WDR49: variants seen among roughly 807,000 people sequenced by gnomAD.
WDR49 encodes cilia- and flagella-associated protein 337.
In WDR49, 107 loss-of-function variants were observed where a neutral mutation model predicts 119.5. That is an observed-to-expected ratio of 0.90 (90% confidence interval 0.77 to 1.05). WDR49 has a LOEUF of 1.05. WDR49 is among the 50% of genes least tolerant of loss of function. The probability of loss-of-function intolerance (pLI) is 0.00; values close to 1 mark genes in which losing one functional copy is unlikely to be tolerated. For missense variants in WDR49, 1,240 were observed against 1,220.5 expected, an observed-to-expected ratio of 1.02 and a Z score of -0.24; for synonymous variants, 425 against 418.8, an observed-to-expected ratio of 1.01 and a Z score of -0.18.
At chr3:167,534,252 G>A (rs1006998770) in intron 11 of WDR49, among the ~76,000 whole-genome samples, 1 of 152,020 alleles carries the variant, frequency 6.6e-6, no homozygotes, top group Non-Finnish European at 1.5e-5. Flanking sequence ...TGAACCAGGG[G>A]GATGGAGTTC....
intron 5 of WDR49, among the ~76,000 whole-genome samples, chr3:167,620,109 T>C (rs902521226): frequency 6.6e-6 from 1 of 152,168 alleles, no homozygotes; most frequent in Non-Finnish European, 1.5e-5. Flanking sequence ...GCCCTGAATG[T>C]AACTAGATGA....
At chr3:167,622,472 A>C (rs1199535276) in intron 3 of WDR49, among the ~76,000 whole-genome samples, 1 of 152,200 alleles carries the variant, frequency 6.6e-6, no homozygotes, top group Non-Finnish European at 1.5e-5. Flanking sequence ...CCATTCTGCC[A>C]ATCTTTGCCC....
chr3:167,539,929 G>T (rs1362123296), intron 10 of WDR49, among the ~76,000 whole-genome samples: 1 of 152,054 alleles, frequency 6.6e-6, no homozygotes, highest in Non-Finnish European at 1.5e-5. Flanking sequence ...ACCACGATAG[G>T]CATTTAACAA....
intron 7 of WDR49, among the ~76,000 whole-genome samples, chr3:167,581,862 A>G (rs1048864380): frequency 8.5e-4 from 130 of 152,344 alleles, no homozygotes; most frequent in African/African-American, 3.1e-3. Context: ...AACAATTTGT[A>G]ATTTCCTCAT....
At chr3:167,483,635 G>A (rs1750809975) in intron 18 of WDR49, among the ~76,000 whole-genome samples, 1 of 151,928 alleles carries the variant, frequency 6.6e-6, no homozygotes, top group Non-Finnish European at 1.5e-5. Flanking sequence ...TTATAAAAGT[G>A]GCTATTTAAG....
chr3:167,577,637 A>G (rs1714317503), intron 7 of WDR49, among the ~76,000 whole-genome samples: 1 of 152,294 alleles, frequency 6.6e-6, no homozygotes, highest in Non-Finnish European at 1.5e-5. Flanking sequence ...AATGCGTTCA[A>G]TGAATGTTCC....
intron 5 of WDR49, among the ~76,000 whole-genome samples, chr3:167,613,844 C>T (rs765648058): frequency 6.6e-6 from 1 of 151,022 alleles, no homozygotes; most frequent in Non-Finnish European, 1.5e-5. Flanking sequence ...ACTCGGGAGG[C>T]TGAGGCAGGA....
chr3:167,648,159 T>C (rs551601034), intron 2 of WDR49, among the ~76,000 whole-genome samples: 1 of 152,308 alleles, frequency 6.6e-6, no homozygotes, highest in Non-Finnish European at 1.5e-5. Context: ...CATCTCCTTA[T>C]TTGTAAATGG....
intron 10 of WDR49, among the ~76,000 whole-genome samples, chr3:167,545,176 T>C (rs927105729): frequency 1.1e-4 from 16 of 151,936 alleles, no homozygotes; most frequent in Non-Finnish European, 1.6e-4. Context: ...AGAATGGTCA[T>C]AATCAAAAAG....
intron 16 of WDR49, among the ~76,000 whole-genome samples, chr3:167,507,048 GT>G (rs1751796612): frequency 6.6e-6 from 1 of 152,106 alleles, no homozygotes; most frequent in African/African-American, 2.4e-5. Flanking sequence ...GGCCACAGTT[GT>G]ATGTGCCAAG....
chr3:167,542,769 A>G (rs947094486), intron 10 of WDR49, among the ~76,000 whole-genome samples: 1 of 152,198 alleles, frequency 6.6e-6, no homozygotes. Flanking sequence ...ACCCAGCAGA[A>G]GAAAAAATAT....
At position 167,513,412 on chromosome 3, in the gene WDR49, C is replaced by T. The variant is rs559439195; in HGVS notation, c.2775-7996G>A. Reference sequence around the variant, plus strand: ...ATTGTTTTCAGACAAGAAAATGCTGCGGGAATTCATCACCACTAGGCCTGC... The same window carrying T: ...ATTGTTTTCAGACAAGAAAATGCTGTGGGAATTCATCACCACTAGGCCTGC... On this transcript the variant is annotated intron_variant, in intron 16 of 18. Transcript: ENST00000682715. Among the ~76,000 whole-genome samples, 61 of 152,152 alleles carry T rather than the reference C, an allele frequency of 4.0e-4. No homozygotes were observed. In the East Asian group the frequency reaches 5.0e-3, roughly 13 times the overall value.
rs1718488494 is a variant in WDR49 at position 167,653,517 on chromosome 3, A to G, written c.-74-18T>C. On this transcript the variant is annotated intron_variant, in intron 1 of 18. Transcript: ENST00000682715. ...ACAGGTGCCTTTGAAAAGAAACTCAACTTAGCAACAGAATTCCAAAATGAA... is the reference window on the plus strand; with the variant it reads ...ACAGGTGCCTTTGAAAAGAAACTCAGCTTAGCAACAGAATTCCAAAATGAA... 1.5e-6 allele frequency: 2 copies of G among 1,372,670 alleles called. No individual in the cohort carries two copies. Among genetic ancestry groups the G allele is most frequent in the Non-Finnish European group, 1.9e-6 (2 of 1,055,152 alleles). The allele number at this position is 1,372,670 out of a possible 1,614,324, so 85.0% of individuals were successfully genotyped here. A position where few individuals can be genotyped will look rare whatever the true frequency, so the allele number is the denominator to read the frequency against.
At chr3:167,531,011 G>T in intron 13 of WDR49, 104 bp downstream of exon 13, 6 of 1,202,092 alleles carry the variant, frequency 5.0e-6, no homozygotes, top group Non-Finnish European at 6.9e-6. Flanking sequence ...CTACTGACTG[G>T]TTAGCTACGT....
At chr3:167,599,066 G>T (rs183389910) in intron 7 of WDR49, among the ~76,000 whole-genome samples, 1 of 152,262 alleles carries the variant, frequency 6.6e-6, no homozygotes, top group African/African-American at 2.4e-5. Flanking sequence ...CTTGCCAAAA[G>T]CCTGCTGTAA....
intron 14 of WDR49, among the ~76,000 whole-genome samples, chr3:167,528,557 T>TAAAAG: frequency 6.6e-6 from 1 of 151,120 alleles, no homozygotes; most frequent in African/African-American, 2.4e-5. Flanking sequence ...TAAAATAAAA[T>TAAAAG]AAAATAAAAT....
At chr3:167,615,180 C>T (rs138560215) in intron 5 of WDR49, among the ~76,000 whole-genome samples, 208 of 152,232 alleles carry the variant, frequency 1.4e-3, no homozygotes, top group African/African-American at 4.8e-3. Flanking sequence ...TTCAGAGGTA[C>T]TTGAGGAGTA....
chr3:167,602,111 G>C lies in WDR49; in HGVS notation c.1275+16C>G, dbSNP rs371774325. On this transcript the variant is annotated intron_variant, in intron 7 of 18. Transcript: ENST00000682715. The stretch of plus-strand genomic sequence containing the variant: ...GGAAGCAAAACTAAATTAATTAAAA[G>C]CACAATGTTACTTACTTTATCCTTG... 17 of 1,563,606 alleles carry C rather than the reference G, an allele frequency of 1.1e-5. No individual in the cohort carries two copies. In the African/African-American group the frequency reaches 1.9e-4, roughly 17 times the overall value.
chr3:167,484,056 G>T (rs1056058321), intron 18 of WDR49, among the ~76,000 whole-genome samples: 1 of 152,072 alleles, frequency 6.6e-6, no homozygotes, highest in African/African-American at 2.4e-5. Context: ...TATTGAACTT[G>T]CTTACAATTA....
Sources: allele counts gnomAD v4.1 joint callset (sites outside exome capture counted in the v4.1 genomes callset), GRCh38; gene constraint gnomAD v4.1.1; transcripts MANE v1.5; gene names NCBI Gene and HGNC (gene_info 2026-07-23, HGNC 2026-07-21).